Variants in TEF observed in about 807,000 individuals in gnomAD.
TEF encodes the protein thyrotroph embryonic factor.
Under a neutral mutation model 20.8 loss-of-function variants are expected in TEF, and 3 were observed. The observed-to-expected ratio is 0.14, with a 90% CI of 0.07 to 0.37. The LOEUF (loss-of-function observed/expected upper bound fraction) is 0.37. Ranked by LOEUF, TEF falls within the 10% of genes least tolerant of loss-of-function variation. The probability of loss-of-function intolerance (pLI) is 1.00; values close to 1 mark genes in which losing one functional copy is unlikely to be tolerated. For missense variants in TEF, 296 were observed against 397.9 expected (o/e 0.74, Z 2.18); for synonymous variants, 180 against 171.1 (o/e 1.05, Z -0.41).
At chr22:41,389,182 C>T (rs898355766) in intron 2 of TEF, among the ~76,000 whole-genome samples, 20 of 152,130 alleles carry the variant, frequency 1.3e-4, no homozygotes, top group Middle Eastern at 3.4e-3. Flanking sequence ...GGGTGGATCA[C>T]GAGGTCAGGA....
intron 1 of TEF, among the ~76,000 whole-genome samples, chr22:41,376,260 G>A (rs548991683): frequency 6.6e-6 from 1 of 152,254 alleles, no homozygotes; most frequent in Admixed American, 6.5e-5. Context: ...TTGTTGAGAT[G>A]GAGTCTCGCT....
intron 2 of TEF, among the ~76,000 whole-genome samples, chr22:41,393,324 G>A (rs568254147): frequency 1.4e-5 from 2 of 142,282 alleles, no homozygotes; most frequent in South Asian, 4.5e-4. Context: ...CTAGGTGACA[G>A]AGCAAGACCC....
chr22:41,382,180 C>T lies in TEF; in HGVS notation c.136C>T (p.Pro46Ser), dbSNP rs911192101. Residue 46 changes from proline (P) to serine (S), a missense_variant, in exon 1 of 4, where the codon CCC becomes TCC. Physicochemically the swap from Pro to Ser is moderately conservative, Grantham distance 74. Transcript: ENST00000266304. ...PLVLKKLMEN[P>S]PREARLDKEK... is the part of the protein sequence containing the mutation. ...GGTCCTGAAGAAGCTGATGGAGAACCCCCCGCGCGAGGCGCGCCTCGGTGA... is the reference window on the plus strand; with the variant it reads ...GGTCCTGAAGAAGCTGATGGAGAACTCCCCGCGCGAGGCGCGCCTCGGTGA... 3.2e-6 allele frequency: 4 copies of T among 1,240,542 alleles called. No individual in the cohort carries two copies. The highest frequency in any genetic ancestry group is 4.0e-6 in the Non-Finnish European group (4 of 993,146). 76.8% of individuals were successfully genotyped at this position (1,240,542 alleles called of 1,614,324 possible). A position where few individuals can be genotyped will look rare whatever the true frequency, so the allele number is the denominator to read the frequency against.
At chr22:41,381,832 G>C (rs2037028475), upstream of TEF, 2 of 1,193,328 alleles carry the variant, frequency 1.7e-6, no homozygotes. Context: ...GACCAATCCA[G>C]AGCAACGATC....
chr22:41,379,392 A>T (rs558711341), upstream of TEF, among the ~76,000 whole-genome samples: 15 of 152,222 alleles, frequency 9.9e-5, no homozygotes, highest in Admixed American at 3.9e-4. Flanking sequence ...CTGCAATCCC[A>T]GCTACTCAGG....
chr22:41,387,014 A>T (rs1286316589), intron 1 of TEF, among the ~76,000 whole-genome samples: 1 of 152,232 alleles, frequency 6.6e-6, no homozygotes, highest in Admixed American at 6.5e-5. Context: ...ACTGCACTCC[A>T]GCCTGGGCGA....
chr22:41,369,991 A>G (rs1204041019), intron 1 of TEF: 4 of 985,396 alleles, frequency 4.1e-6, no homozygotes, highest in Non-Finnish European at 4.8e-6. Flanking sequence ...TGCAGAGCGT[A>G]TCTCACCTCC....
intron 1 of TEF, among the ~76,000 whole-genome samples, chr22:41,384,959 T>C (rs1254794058): frequency 6.6e-6 from 1 of 152,116 alleles, no homozygotes; most frequent in Non-Finnish European, 1.5e-5. Flanking sequence ...TTCACCATGT[T>C]GGTCAGACTG....
intron 1 of TEF, among the ~76,000 whole-genome samples, chr22:41,374,473 A>G (rs1449352400): frequency 6.6e-6 from 1 of 151,572 alleles, no homozygotes; most frequent in Non-Finnish European, 1.5e-5. Context: ...AATGGCGTGA[A>G]CCCAGGAGGC....
intron 1 of TEF, among the ~76,000 whole-genome samples, chr22:41,384,816 A>C (rs1396862652): frequency 1.3e-5 from 2 of 152,034 alleles, no homozygotes; most frequent in African/African-American, 4.8e-5. Flanking sequence ...GTAGTGGTAC[A>C]GTCTCGTCTC....
At chr22:41,381,488 G>A (rs1483701064), upstream of TEF, among the ~76,000 whole-genome samples, 1 of 152,210 alleles carries the variant, frequency 6.6e-6, no homozygotes, top group African/African-American at 2.4e-5. Flanking sequence ...AGCTCGGATA[G>A]GTCGCTTTGG....
At chr22:41,392,754 G>A (rs759896008) in intron 2 of TEF, among the ~76,000 whole-genome samples, 1 of 150,980 alleles carries the variant, frequency 6.6e-6, no homozygotes, top group Non-Finnish European at 1.5e-5. Context: ...AGTGGAACCC[G>A]GGCTGGACGT....
upstream of TEF, among the ~76,000 whole-genome samples, chr22:41,377,708 A>G (rs1306484016): frequency 6.6e-6 from 1 of 152,212 alleles, no homozygotes; most frequent in African/African-American, 2.4e-5. Context: ...TAAGCACGAT[A>G]GAGAACGTGT....
Position 41,372,268 on chromosome 22 carries a change from C to T in TEF, c.67+4669C>T, listed in dbSNP as rs189052266. Among the ~76,000 whole-genome samples the T allele has an allele frequency of 2.1e-4, 32 of 152,226 alleles. No individual in the cohort carries two copies. The East Asian group carries it at 6.0e-3, about 29-fold the overall frequency. ...CAGAGCCTTCTTCTCTACCTGCCCC[C>T]CACCCCATCCCTTCAGAGAAATGTG... On this transcript the variant is annotated intron_variant, in intron 1 of 3. Transcript: ENST00000406644.
At chr22:41,381,549 G>T (rs1246136218), upstream of TEF, among the ~76,000 whole-genome samples, 1 of 152,200 alleles carries the variant, frequency 6.6e-6, no homozygotes, top group Non-Finnish European at 1.5e-5. Context: ...CGTCGGGAAG[G>T]TTGCAAGTCG....
At chr22:41,375,284 C>A (rs2036927009) in intron 1 of TEF, among the ~76,000 whole-genome samples, 1 of 152,216 alleles carries the variant, frequency 6.6e-6, no homozygotes, top group Non-Finnish European at 1.5e-5. Context: ...TCCCCTGGAA[C>A]ACACTGAGAC....
At position 41,387,517 on chromosome 22, in the gene TEF, T is replaced by C. The variant is rs1219424244; in HGVS notation, c.324T>C (p.Asn108=). ...ACCTGGATGAGTTCCTGCTGGAGAA[T>C]GGCATCCCCGCCAGCCCCACCCACC... The part of the protein sequence containing the change: ...YMDLDEFLLE[N]GIPASPTHLA... Residue 108 remains asparagine, a synonymous_variant, in exon 2 of 4, where the codon AAT becomes AAC. Coordinates refer to ENST00000266304, the MANE Select transcript of TEF (RefSeq NM_003216.4). 6.2e-7 allele frequency: 1 copy of C among 1,614,086 alleles called. No homozygotes were observed. Among genetic ancestry groups the C allele is most frequent in the South Asian group, 1.1e-5 (1 of 91,082 alleles).
At chr22:41,385,364 A>G (rs2037085186) in intron 1 of TEF, among the ~76,000 whole-genome samples, 1 of 148,342 alleles carries the variant, frequency 6.7e-6, no homozygotes. Flanking sequence ...CCTTCTCATA[A>G]AAAAAAAAAA....
At chr22:41,376,834 C>T (rs530670495) in intron 1 of TEF, among the ~76,000 whole-genome samples, 1 of 152,290 alleles carries the variant, frequency 6.6e-6, no homozygotes, top group Admixed American at 6.5e-5. Flanking sequence ...GTGAGGCGGG[C>T]GTATCCATCT....
Sources: allele counts gnomAD v4.1 joint callset (sites outside exome capture counted in the v4.1 genomes callset), GRCh38; gene constraint gnomAD v4.1.1; transcripts MANE v1.5; gene names NCBI Gene and HGNC (gene_info 2026-07-23, HGNC 2026-07-21).